Variants in ZNF644 observed in about 807,000 individuals in gnomAD.
The protein encoded by ZNF644 is zinc finger protein 644, also known as zinc finger motif enhancer binding protein 2.
A neutral mutation model predicts 108.0 loss-of-function variants in ZNF644; 20 were observed. The ratio of observed to expected loss-of-function variants is 0.19; its 90% CI spans 0.13 to 0.27. The LOEUF is 0.27. Ranked by LOEUF, ZNF644 falls within the 10% of genes least tolerant of loss-of-function variation. The probability of loss-of-function intolerance (pLI) is 1.00; values close to 1 mark genes in which losing one functional copy is unlikely to be tolerated. For missense variants in ZNF644, 1,338 were observed against 1,548.9 expected, an observed-to-expected ratio of 0.86 and a Z score of 2.29; for synonymous variants, 542 against 539.1, an observed-to-expected ratio of 1.01 and a Z score of -0.08.
chr1:90,948,063 T>C (rs1652704698), intron 2 of ZNF644, among the ~76,000 whole-genome samples: 1 of 152,110 alleles, frequency 6.6e-6, no homozygotes, highest in South Asian at 2.1e-4. Flanking sequence ...ATGGAATAAA[T>C]TGCTTCAGAA....
At position 90,938,348 on chromosome 1, in the gene ZNF644, T is replaced by C. The variant is rs375926440; in HGVS notation, c.3006A>G (p.Glu1002=). ...SYEARHVVSP[E]QIATSDKMQH... ...GCATTTTGTCACTTGTGGCTATTTG[T>C]TCTGGTGATACAACATGACGGGCTT... Residue 1002 remains glutamate (E), a synonymous_variant, in exon 3 of 6, where the codon GAA becomes GAG. Transcript: ENST00000337393. This position sits in a 1 kb window ranked among gnomAD's most constrained non-coding sequence, Gnocchi z 4.2. 6.2e-7 allele frequency: 1 copy of C among 1,613,878 alleles called. No individual in the cohort carries two copies. The highest frequency in any genetic ancestry group is 1.3e-5 in the African/African-American group (1 of 74,926).
chr1:90,949,722 G>A (rs1652886869), intron 2 of ZNF644, among the ~76,000 whole-genome samples: 1 of 152,290 alleles, frequency 6.6e-6, no homozygotes, highest in South Asian at 2.1e-4. Flanking sequence ...TATATGGGAG[G>A]ATGTGTACAG....
chr1:90,978,931 G>A (rs1382793201), intron 2 of ZNF644, among the ~76,000 whole-genome samples: 1 of 152,082 alleles, frequency 6.6e-6, no homozygotes, highest in Non-Finnish European at 1.5e-5. Flanking sequence ...ATGAGAAAAT[G>A]TCAACGTCTA....
At chr1:90,937,105 G>C (rs1457420269) in intron 4 of ZNF644, among the ~76,000 whole-genome samples, 1 of 152,098 alleles carries the variant, frequency 6.6e-6, no homozygotes, top group East Asian at 1.9e-4. Context: ...ATATGACAGA[G>C]GTATGCCTTT....
intron 5 of ZNF644, among the ~76,000 whole-genome samples, chr1:90,917,323 A>T (rs997581477): frequency 5.3e-5 from 8 of 152,120 alleles, no homozygotes; most frequent in African/African-American, 1.9e-4. Context: ...GCATTCCTTA[A>T]ATGGCATTGT....
intron 2 of ZNF644, among the ~76,000 whole-genome samples, chr1:90,971,858 C>A (rs551838958): frequency 6.6e-6 from 1 of 152,286 alleles, no homozygotes; most frequent in South Asian, 2.1e-4. Context: ...CAGATAGAAA[C>A]CAGGCCCTTT....
chr1:90,940,418 A>G lies in ZNF644; in HGVS notation c.936T>C (p.Asn312=), dbSNP rs544566476. 19 of 1,613,626 alleles carry G rather than the reference A, an allele frequency of 1.2e-5. No homozygotes were observed. Among genetic ancestry groups the G allele is most frequent in the Middle Eastern group, 1.7e-4 (1 of 6,060 alleles). The change falls in exon 3 of 6, where the codon AAT becomes AAC. Residue 312 remains asparagine (N), a synonymous_variant. Coordinates refer to ENST00000337393, the MANE Select transcript of ZNF644 (RefSeq NM_201269.3). ...GCATTTTTGATTTATTGGGTACACAATTAGAATCACTAAAGCAATCCTCGG... is the reference window on the plus strand; with the variant it reads ...GCATTTTTGATTTATTGGGTACACAGTTAGAATCACTAAAGCAATCCTCGG... ...RYTEDCFSDS[N]CVPNKSKMQE...
chr1:91,013,494 CACACACAT>C (rs1484819276), intron 1 of ZNF644, among the ~76,000 whole-genome samples: 4 of 151,288 alleles, frequency 2.6e-5, no homozygotes, highest in African/African-American at 7.3e-5. Context: ...TACACACACA[CACACACAT>C]ATACACACCC....
chr1:90,921,122 G>T (rs1649380223), intron 4 of ZNF644, among the ~76,000 whole-genome samples: 1 of 152,038 alleles, frequency 6.6e-6, no homozygotes, highest in Non-Finnish European at 1.5e-5. Context: ...TAAATGAAAA[G>T]GATGAGGTAG....
In ZNF644 at chr1:90,916,731, G is replaced by T; in HGVS notation, c.*67C>A. 6.4e-7 allele frequency: 1 copy of T among 1,552,620 alleles called. No homozygotes were observed. The highest frequency in any genetic ancestry group is 8.9e-7 in the Non-Finnish European group (1 of 1,128,278). ...TATTTATAAACAGATAATTTAATGT[G>T]GCTTAAAAAAAAAGAATTTCAAATT... On this transcript the variant is annotated 3_prime_UTR_variant, in exon 6 of 6. Coordinates refer to ENST00000337393, the MANE Select transcript of ZNF644 (RefSeq NM_201269.3).
chr1:90,925,421 C>T (rs538655915), intron 4 of ZNF644, among the ~76,000 whole-genome samples: 80 of 152,012 alleles, frequency 5.3e-4, no homozygotes, highest in African/African-American at 1.9e-3. Context: ...AGTGTATATC[C>T]AGGGCAACTT....
At chr1:90,928,114 T>C (rs1226110977) in intron 4 of ZNF644, among the ~76,000 whole-genome samples, 1 of 150,216 alleles carries the variant, frequency 6.7e-6, no homozygotes, top group African/African-American at 2.5e-5. Context: ...CCAAAGTGCT[T>C]GGGATTACAG....
Position 90,937,672 on chromosome 1 carries a change from C to G in ZNF644, c.3501G>C (p.Gln1167His). Residue 1167 changes from glutamine (Q) to histidine (H), a missense_variant, in exon 4 of 6, where the codon CAG becomes CAC. Physicochemically the swap from Gln to His is conservative, Grantham distance 24. Around this residue, in one of 6 missense-constraint regions of ZNF644, gnomAD observed 287 missense variants for 310.9 expected, o/e 0.92. Coordinates refer to ENST00000337393, the MANE Select transcript of ZNF644 (RefSeq NM_201269.3). ...KPELPSGKKN[Q>H]SLTLIELLKN... The stretch of plus-strand genomic sequence containing the variant: ...TAAGAAGTTCTATGAGTGTAAGAGA[C>G]TGATTCTTTTTCCCACTGGGCAGTT... 6.2e-7 allele frequency: 1 copy of G among 1,613,906 alleles called. No homozygotes were observed. The highest frequency in any genetic ancestry group is 1.1e-5 in the South Asian group (1 of 91,080).
chr1:90,990,808 A>AT (rs1281247703), intron 1 of ZNF644, among the ~76,000 whole-genome samples: 2 of 152,204 alleles, frequency 1.3e-5, no homozygotes, highest in African/African-American at 2.4e-5. Context: ...AAATCTCCTG[A>AT]TTCACGTTAA....
chr1:90,918,681 C>T (rs1339087465), intron 4 of ZNF644, among the ~76,000 whole-genome samples: 1 of 152,018 alleles, frequency 6.6e-6, no homozygotes, highest in Non-Finnish European at 1.5e-5. Flanking sequence ...AAGGAAAAAT[C>T]AATTTTCATA....
intron 4 of ZNF644, among the ~76,000 whole-genome samples, chr1:90,934,909 T>A (rs1293813833): frequency 6.6e-6 from 1 of 152,092 alleles, no homozygotes; most frequent in African/African-American, 2.4e-5. Context: ...AAGCTAGAAC[T>A]ACAATATTTT....
Position 90,916,142 on chromosome 1 carries a change from A to G in ZNF644, c.*656T>C, listed in dbSNP as rs754567101. The G allele has an allele frequency of 6.6e-6, 1 of 152,644 alleles. No individual in the cohort carries two copies. Among genetic ancestry groups the G allele is most frequent in the African/African-American group, 2.4e-5 (1 of 41,464 alleles). The allele number at this position is 152,644 out of a possible 1,614,324, so 9.5% of individuals were successfully genotyped here. ...CTGGAGTAAAGAATATTTCCTTACC[A>G]CAAATAATTTCCAGAACTATGTACA... On this transcript the variant is annotated 3_prime_UTR_variant, in exon 6 of 6. Coordinates refer to ENST00000337393, the MANE Select transcript of ZNF644 (RefSeq NM_201269.3).
At chr1:90,953,892 G>A (rs1228016300) in intron 2 of ZNF644, among the ~76,000 whole-genome samples, 1 of 152,100 alleles carries the variant, frequency 6.6e-6, no homozygotes, top group Non-Finnish European at 1.5e-5. Flanking sequence ...CCAGCCTGGT[G>A]ACAGAGCGAG....
At chr1:90,965,614 C>A (rs1264421149) in intron 2 of ZNF644, among the ~76,000 whole-genome samples, 2 of 151,978 alleles carry the variant, frequency 1.3e-5, no homozygotes, top group African/African-American at 4.8e-5. Flanking sequence ...AAAATAGTTC[C>A]TAAAAGTTGT....
Sources: allele counts gnomAD v4.1 joint callset (sites outside exome capture counted in the v4.1 genomes callset), GRCh38; gene constraint gnomAD v4.1.1; regional missense constraint gnomAD v4.1.1; non-coding constraint Gnocchi (gnomAD v3.1); transcripts MANE v1.5; gene names NCBI Gene and HGNC (gene_info 2026-07-23, HGNC 2026-07-21).